Variants in CERS3 observed in about 807,000 individuals in gnomAD.
CERS3 encodes the protein ceramide synthase 3, also known as LAG1 homolog, ceramide synthase 3.
In CERS3, 33 loss-of-function variants were observed where a neutral mutation model predicts 50.3. The observed-to-expected ratio is 0.66, with a 90% CI of 0.50 to 0.88. CERS3 has a LOEUF of 0.88. Ranked by LOEUF, CERS3 falls within the 40% of genes least tolerant of loss-of-function variation. The pLI, the probability that CERS3 is intolerant of heterozygous loss-of-function variation, is 0.00. For synonymous variants in CERS3, 176 were observed against 155.2 expected, an observed-to-expected ratio of 1.13 and a Z score of -0.99; for missense variants, 470 against 460.3, an observed-to-expected ratio of 1.02 and a Z score of -0.19.
At chr15:100,463,589 G>A (rs1784890481) in intron 10 of CERS3, among the ~76,000 whole-genome samples, 1 of 152,108 alleles carries the variant, frequency 6.6e-6, no homozygotes. Context: ...ATAGCATAAA[G>A]AAGGTACCAA....
intron 11 of CERS3, chr15:100,408,673 G>A (rs1283709467): frequency 6.6e-6 from 1 of 152,196 alleles, no homozygotes; most frequent in African/African-American, 2.4e-5. Context: ...GAGTTTATTA[G>A]ATGGATGAAT....
chr15:100,432,669 G>T (rs554600722), intron 11 of CERS3, among the ~76,000 whole-genome samples: 1 of 152,324 alleles, frequency 6.6e-6, no homozygotes, highest in East Asian at 1.9e-4. Context: ...AATAGAACAA[G>T]AGAGTGATGA....
At chr15:100,517,763 G>C (rs1341941556) in intron 2 of CERS3, among the ~76,000 whole-genome samples, 10 of 152,290 alleles carry the variant, frequency 6.6e-5, no homozygotes, top group African/African-American at 2.4e-4. Context: ...AAAAGAACAA[G>C]ATGACAAAGA....
At chr15:100,537,491 G>A (rs1311113247) in intron 1 of CERS3, among the ~76,000 whole-genome samples, 1 of 152,180 alleles carries the variant, frequency 6.6e-6, no homozygotes, top group Admixed American at 6.5e-5. Context: ...TGACTGGGGA[G>A]GCCTCAGGGG....
At chr15:100,467,874 G>GATAGATAGATATAGATATAGAT (rs779460605) in intron 10 of CERS3, among the ~76,000 whole-genome samples, 760 of 45,938 alleles carry the variant, frequency 0.017, 35 homozygotes, top group African/African-American at 0.038. Context: ...TAGATAGATA[G>GATAGATAGATATAGATATAGAT]ATAGATATAG....
At chr15:100,507,022 C>A (rs943716388) in intron 2 of CERS3, among the ~76,000 whole-genome samples, 1 of 152,166 alleles carries the variant, frequency 6.6e-6, no homozygotes, top group Admixed American at 6.5e-5. Flanking sequence ...ACCTTTTAAT[C>A]TATGGCTTAT....
chr15:100,494,718 A>T (rs2035759101), intron 3 of CERS3, among the ~76,000 whole-genome samples: 1 of 152,184 alleles, frequency 6.6e-6, no homozygotes. Context: ...CACCTTCAAC[A>T]TTTAGCTAGG....
chr15:100,447,037 T>C (rs898670968), intron 11 of CERS3, among the ~76,000 whole-genome samples: 5 of 152,204 alleles, frequency 3.3e-5, no homozygotes, highest in African/African-American at 1.2e-4. Flanking sequence ...TCCTTTGATA[T>C]AGTTTGAAAT....
intron 7 of CERS3, 146 bp downstream of exon 7, chr15:100,479,282 A>T (rs376139054): frequency 2.0e-6 from 1 of 506,464 alleles, no homozygotes. Flanking sequence ...GAGGGTCAAT[A>T]AGGATAAGGA....
At chr15:100,470,308 C>G (rs1279294032) in intron 9 of CERS3, among the ~76,000 whole-genome samples, 1 of 152,088 alleles carries the variant, frequency 6.6e-6, no homozygotes, top group Non-Finnish European at 1.5e-5. Context: ...GGCTCAAGGC[C>G]CTTCCAGAGC....
At chr15:100,532,783 A>C (rs569643533), upstream of CERS3, among the ~76,000 whole-genome samples, 9 of 152,278 alleles carry the variant, frequency 5.9e-5, no homozygotes, top group East Asian at 1.7e-3. Context: ...TGTGTGGAAA[A>C]GCTCCTGTTG....
chr15:100,405,149 G>C (rs563579911), intron 11 of CERS3, among the ~76,000 whole-genome samples: 1 of 150,732 alleles, frequency 6.6e-6, no homozygotes, highest in African/African-American at 2.4e-5. Flanking sequence ...GAGAATGAAA[G>C]GATAAGCTGC....
At chr15:100,434,333 C>T (rs2033290612) in intron 11 of CERS3, among the ~76,000 whole-genome samples, 1 of 151,756 alleles carries the variant, frequency 6.6e-6, no homozygotes, top group South Asian at 2.1e-4. Flanking sequence ...CAAGGAGACA[C>T]CCTTTGAAGA....
chr15:100,448,278 G>C (rs1185995107), intron 11 of CERS3, among the ~76,000 whole-genome samples: 1 of 152,132 alleles, frequency 6.6e-6, no homozygotes, highest in Non-Finnish European at 1.5e-5. Flanking sequence ...ACTTTGAACA[G>C]ATCCTCTAAG....
chr15:100,459,322 GTCTCGCTCTGTCT>G (rs1252060539), intron 10 of CERS3, among the ~76,000 whole-genome samples: 6 of 151,862 alleles, frequency 4.0e-5, no homozygotes, highest in African/African-American at 1.5e-4. Flanking sequence ...TTGAGACATG[GTCTCGCTCTGTCT>G]CCCAGGCAGG....
At chr15:100,524,922 T>A (rs1225958759) in intron 1 of CERS3, among the ~76,000 whole-genome samples, 1 of 152,160 alleles carries the variant, frequency 6.6e-6, no homozygotes, top group Non-Finnish European at 1.5e-5. Context: ...AGCAGAGAAT[T>A]AAATGGATTA....
intron 4 of CERS3, among the ~76,000 whole-genome samples, chr15:100,484,926 G>C (rs930806219): frequency 6.6e-6 from 1 of 152,256 alleles, no homozygotes; most frequent in East Asian, 1.9e-4. Flanking sequence ...GCAGCAACCC[G>C]GCATTCAAGT....
At chr15:100,449,194 T>C (rs2034060394) in intron 11 of CERS3, among the ~76,000 whole-genome samples, 1 of 152,216 alleles carries the variant, frequency 6.6e-6, no homozygotes, top group Non-Finnish European at 1.5e-5. Flanking sequence ...CCTCCCAGGT[T>C]GTGCCGACCT....
chr15:100,515,211 G>T (rs1400745382), intron 2 of CERS3, among the ~76,000 whole-genome samples: 1 of 152,306 alleles, frequency 6.6e-6, no homozygotes, highest in African/African-American at 2.4e-5. Context: ...AGGCAAGTTT[G>T]TTACCTACAT....
Sources: gnomAD v4.1 joint callset for allele counts (sites outside exome capture counted in the v4.1 genomes callset) on GRCh38, gnomAD v4.1.1 for gene constraint, MANE v1.5 for transcripts, NCBI Gene and HGNC (gene_info 2026-07-23, HGNC 2026-07-21) for gene names.